The following TRAPPC9 variants were observed in gnomAD, a reference collection of about 807,000 sequenced individuals.
TRAPPC9 encodes the protein IKK2 binding protein.
A neutral mutation model predicts 124.0 loss-of-function variants in TRAPPC9; 83 were observed. That is an observed-to-expected ratio of 0.67 (90% CI 0.56 to 0.80). TRAPPC9 has a LOEUF of 0.80. Ranked by LOEUF, TRAPPC9 falls within the 30% of genes least tolerant of loss-of-function variation. The probability of loss-of-function intolerance (pLI) is 0.00; values close to 1 mark genes in which losing one functional copy is unlikely to be tolerated. For synonymous variants in TRAPPC9, 638 were observed against 617.5 expected (o/e 1.03, Z -0.49); for missense variants, 1,302 against 1,508.3 (o/e 0.86, Z 2.27).
intron 20 of TRAPPC9, among the ~76,000 whole-genome samples, chr8:139,903,979 C>T (rs1216331485): frequency 6.6e-6 from 1 of 152,142 alleles, no homozygotes; most frequent in Non-Finnish European, 1.5e-5. Context: ...CATTGCACTC[C>T]AGCCTGGGTG....
chr8:140,138,302 C>CATAAATAA (rs149332132), intron 17 of TRAPPC9, among the ~76,000 whole-genome samples: 7 of 151,654 alleles, frequency 4.6e-5, no homozygotes, highest in South Asian at 2.1e-4. Context: ...ACCCCAATCT[C>CATAAATAA]ATAAATAAAT....
At chr8:140,343,206 G>C (rs1241018150) in intron 9 of TRAPPC9, among the ~76,000 whole-genome samples, 1 of 152,234 alleles carries the variant, frequency 6.6e-6, no homozygotes, top group Non-Finnish European at 1.5e-5. Context: ...CATGGGGTAG[G>C]AAATGGAGGG....
intron 19 of TRAPPC9, among the ~76,000 whole-genome samples, chr8:139,930,623 G>A (rs2233226): frequency 0.016 from 2,451 of 152,296 alleles, 78 homozygotes; most frequent in African/African-American, 0.055. Context: ...TTCTAGACCC[G>A]TCAAATACAA....
rs563917299 is a variant in TRAPPC9 at position 139,882,920 on chromosome 8, A to G, written c.3055+2959T>C. 3.9e-5 allele frequency among the ~76,000 whole-genome samples: 6 copies of G among 152,312 alleles called. No individual in the cohort carries two copies. In the East Asian group the frequency reaches 1.2e-3, roughly 29 times the overall value. On this transcript the variant is annotated intron_variant, in intron 21 of 22. Coordinates refer to ENST00000438773, the MANE Select transcript of TRAPPC9 (RefSeq NM_001160372.4). ...TCCTGAGAGGCCATGGAACCAAACT[A>G]CATTTCCAAAAGAAATCCCTGAGCC...
chr8:139,800,196 T>C (rs1057268388), intron 21 of TRAPPC9, among the ~76,000 whole-genome samples: 1 of 152,266 alleles, frequency 6.6e-6, no homozygotes, highest in African/African-American at 2.4e-5. Context: ...TGTGTGGTGC[T>C]GTGAGACCTG....
chr8:139,837,960 T>C (rs1826467912), intron 21 of TRAPPC9, among the ~76,000 whole-genome samples: 1 of 152,212 alleles, frequency 6.6e-6, no homozygotes, highest in South Asian at 2.1e-4. Flanking sequence ...TCCCCTCTTC[T>C]GGCCCAGGCT....
In TRAPPC9 at chr8:139,729,215, G is replaced by A. The variant is rs544259558; in HGVS notation, c.*1846C>T. Among the ~76,000 whole-genome samples, 14 of 152,342 alleles carry A rather than the reference G, an allele frequency of 9.2e-5. No individual in the cohort carries two copies. In the South Asian group the frequency reaches 1.0e-3, roughly 11 times the overall value. On this transcript the variant is annotated 3_prime_UTR_variant, in exon 23 of 23. Transcript: ENST00000438773. The stretch of plus-strand genomic sequence containing the variant: ...CTTTTAAACATGTTGTTATAGACAC[G>A]TTCTGAGGCATAGAAAATTTATAAT...
At chr8:140,041,969 A>T (rs1161227570) in intron 17 of TRAPPC9, among the ~76,000 whole-genome samples, 1 of 130,972 alleles carries the variant, frequency 7.6e-6, no homozygotes, top group Non-Finnish European at 1.5e-5. Flanking sequence ...AGATTGTCTC[A>T]AAAAAAAAAA....
At chr8:140,276,200 G>T (rs1443103127) in intron 14 of TRAPPC9, among the ~76,000 whole-genome samples, 1 of 152,188 alleles carries the variant, frequency 6.6e-6, no homozygotes, top group Admixed American at 6.5e-5. Flanking sequence ...TCTAAAAAAT[G>T]TCATGCTTAG....
intron 17 of TRAPPC9, among the ~76,000 whole-genome samples, chr8:140,101,532 C>CTTG (rs2060577722): frequency 7.6e-5 from 6 of 78,718 alleles, no homozygotes; most frequent in Admixed American, 1.4e-4. Context: ...GTAGGGTTTT[C>CTTG]TTTTTTTTGT....
In TRAPPC9 at chr8:140,097,390, C is replaced by T. The variant is rs2060472095; in HGVS notation, c.2557-73311G>A. The stretch of plus-strand genomic sequence containing the variant: ...CCCACCTGGGTTCTTGTGCCAGCCA[C>T]AGTTGTGCCACAGTCCGTAGGGTAA... On this transcript the variant is annotated intron_variant, in intron 17 of 22. Coordinates refer to ENST00000438773, the MANE Select transcript of TRAPPC9 (RefSeq NM_001160372.4). The surrounding 1 kb of genome is among the most constrained non-coding windows in gnomAD (Gnocchi z 4.2). 6.6e-6 allele frequency: 1 copy of T among 152,298 alleles called. No individual in the cohort carries two copies. The highest frequency in any genetic ancestry group is 2.4e-5 in the African/African-American group (1 of 41,442). 9.4% of individuals were successfully genotyped at this position (152,298 alleles called of 1,614,324 possible). A position where few individuals can be genotyped will look rare whatever the true frequency, so the allele number is the denominator to read the frequency against.
At chr8:140,448,097 G>C (rs764235765) in intron 2 of TRAPPC9, among the ~76,000 whole-genome samples, 21 of 138,338 alleles carry the variant, frequency 1.5e-4, no homozygotes, top group Non-Finnish European at 2.9e-4. Context: ...AGTGAGCCGA[G>C]ACTGCACCAC....
At chr8:140,204,475 G>C (rs986559510) in intron 17 of TRAPPC9, among the ~76,000 whole-genome samples, 1 of 134,068 alleles carries the variant, frequency 7.5e-6, no homozygotes, top group Non-Finnish European at 1.6e-5. Flanking sequence ...GGCTGTCGTT[G>C]GGTGGGGGGA....
At chr8:140,103,125 C>T (rs918865673) in intron 17 of TRAPPC9, among the ~76,000 whole-genome samples, 9 of 152,220 alleles carry the variant, frequency 5.9e-5, no homozygotes, top group African/African-American at 2.2e-4. Context: ...TGGGAGGTAA[C>T]AACAGAGGGT....
At position 139,910,303 on chromosome 8, in the gene TRAPPC9, A is replaced by ATT. The variant is rs751998859; in HGVS notation, c.2811-4_2811-3insAA. 6.2e-7 allele frequency: 1 copy of ATT among 1,614,216 alleles called. No individual in the cohort carries two copies. The highest frequency in any genetic ancestry group is 1.7e-5 in the Admixed American group (1 of 60,024). On this transcript the variant is annotated splice_polypyrimidine_tract_variant and splice_region_variant and intron_variant, in intron 19 of 22. Coordinates refer to ENST00000438773, the MANE Select transcript of TRAPPC9 (RefSeq NM_001160372.4). ...ACTTGTCCACTTGAATAGCCATTCT[A>ATT]CGAGAAAGGGGAAAACACAGCAGAG...
intron 21 of TRAPPC9, among the ~76,000 whole-genome samples, chr8:139,844,962 A>G (rs766792074): frequency 3.9e-5 from 6 of 151,996 alleles, no homozygotes; most frequent in Non-Finnish European, 8.8e-5. Flanking sequence ...CCGTGTCAGC[A>G]GCTTGGTGTC....
intron 17 of TRAPPC9, among the ~76,000 whole-genome samples, chr8:140,180,373 T>G (rs188923155): frequency 1.1e-3 from 169 of 152,152 alleles, no homozygotes; most frequent in African/African-American, 3.9e-3. Context: ...GTTTGTCATA[T>G]TTTTTCCTTT....
chr8:139,788,098 C>A lies in TRAPPC9; in HGVS notation c.3056-55896G>T, dbSNP rs1042638775. ...TTCCAACCAGGCTTCAGCCCAGAAG[C>A]CACTTCCCCACTGCACTGGTTTCTG... On this transcript the variant is annotated intron_variant, in intron 21 of 22. Coordinates refer to ENST00000438773, the MANE Select transcript of TRAPPC9 (RefSeq NM_001160372.4). This position sits in a 1 kb window ranked among gnomAD's most constrained non-coding sequence, Gnocchi z 4.9. 6.6e-6 allele frequency among the ~76,000 whole-genome samples: 1 copy of A among 152,174 alleles called. No homozygotes were observed. The highest frequency in any genetic ancestry group is 2.4e-5 in the African/African-American group (1 of 41,432).
intron 21 of TRAPPC9, among the ~76,000 whole-genome samples, chr8:139,740,651 T>C (rs963712755): frequency 1.5e-4 from 23 of 152,206 alleles, no homozygotes; most frequent in Non-Finnish European, 4.4e-5. Context: ...CCGGGAGCCC[T>C]GTCCTGGAGA....
Sources: allele counts gnomAD v4.1 joint callset (sites outside exome capture counted in the v4.1 genomes callset), GRCh38; gene constraint gnomAD v4.1.1; non-coding constraint Gnocchi (gnomAD v3.1); transcripts MANE v1.5; gene names NCBI Gene and HGNC (gene_info 2026-07-23, HGNC 2026-07-21).